Variants in XKR4 observed in about 807,000 individuals in gnomAD.
XKR4 encodes the protein XK-related protein 4.
In XKR4, 12 loss-of-function variants were observed where a neutral mutation model predicts 53.9. That is an observed-to-expected ratio of 0.22 (90% CI 0.14 to 0.36). The LOEUF is 0.36. XKR4 is among the 10% of genes least tolerant of loss of function. The probability of loss-of-function intolerance (pLI) is 1.00; values close to 1 mark genes in which losing one functional copy is unlikely to be tolerated. For missense variants in XKR4, 799 were observed against 859.5 expected, an observed-to-expected ratio of 0.93 and a Z score of 0.88; for synonymous variants, 354 against 362.4, an observed-to-expected ratio of 0.98 and a Z score of 0.26.
intron 1 of XKR4, among the ~76,000 whole-genome samples, chr8:55,332,677 T>A (rs1221679720): frequency 2.0e-5 from 3 of 152,110 alleles, no homozygotes. Context: ...AATTATCTTA[T>A]TGAGTATAAT....
intron 2 of XKR4, among the ~76,000 whole-genome samples, chr8:55,416,070 G>A (rs901302243): frequency 6.6e-5 from 10 of 152,016 alleles, no homozygotes; most frequent in Non-Finnish European, 1.2e-4. Flanking sequence ...TTCCACTCCC[G>A]CCATAATTTT....
chr8:55,388,349 A>G (rs752602661), intron 2 of XKR4, among the ~76,000 whole-genome samples: 2 of 152,208 alleles, frequency 1.3e-5, no homozygotes, highest in Non-Finnish European at 2.9e-5. Context: ...AAAAAGAGCA[A>G]CTTTTTACTC....
chr8:55,452,895 T>G lies in XKR4; in HGVS notation c.1007-70386T>G, dbSNP rs552467284. On this transcript the variant is annotated intron_variant, in intron 2 of 2. Transcript: ENST00000327381. ...AGGCAGCAGGAGGTAGCTCACGCAG[T>G]TGGTATAGTGGATGGCCTGGCTGAA... 2.7e-4 allele frequency: 211 copies of G among 785,374 alleles called. 2 individuals are homozygous for G. The South Asian group carries it at 2.8e-3, about 10-fold the overall frequency. 48.7% of individuals were successfully genotyped at this position (785,374 alleles called of 1,614,324 possible).
intron 1 of XKR4, among the ~76,000 whole-genome samples, chr8:55,247,749 T>C (rs1818302907): frequency 6.6e-6 from 1 of 152,156 alleles, no homozygotes; most frequent in Non-Finnish European, 1.5e-5. Context: ...TGCTTTATCC[T>C]TTCTCTTACG....
chr8:55,132,645 G>A (rs775299775), intron 1 of XKR4, among the ~76,000 whole-genome samples: 1 of 152,118 alleles, frequency 6.6e-6, no homozygotes, highest in Non-Finnish European at 1.5e-5. Context: ...ATTAACCTCT[G>A]CACTAGAATC....
intron 1 of XKR4, among the ~76,000 whole-genome samples, chr8:55,125,328 T>C (rs1350225716): frequency 2.4e-5 from 1 of 42,460 alleles, no homozygotes; most frequent in African/African-American, 9.9e-5. Context: ...CCTCCTGGGT[T>C]CAAGCGATTG....
intron 1 of XKR4, among the ~76,000 whole-genome samples, chr8:55,315,918 G>T (rs1180213895): frequency 1.3e-5 from 2 of 152,140 alleles, no homozygotes; most frequent in Non-Finnish European, 2.9e-5. Context: ...GGACCCTCAT[G>T]ATTTAGTGTG....
At chr8:55,346,081 C>CTTTTTTT (rs796574998) in intron 1 of XKR4, among the ~76,000 whole-genome samples, 15 of 137,620 alleles carry the variant, frequency 1.1e-4, no homozygotes, top group Non-Finnish European at 1.6e-4. Flanking sequence ...TTTTCTTTTT[C>CTTTTTTT]TTTTTTTTTT....
chr8:55,229,601 C>A (rs996342071), intron 1 of XKR4, among the ~76,000 whole-genome samples: 2 of 152,248 alleles, frequency 1.3e-5, no homozygotes, highest in Admixed American at 1.3e-4. Context: ...GTAAAAACTT[C>A]TGATTCCTCC....
At chr8:55,510,274 G>C (rs1047685421) in intron 2 of XKR4, among the ~76,000 whole-genome samples, 1 of 152,138 alleles carries the variant, frequency 6.6e-6, no homozygotes, top group African/African-American at 2.4e-5. Context: ...GGAGAAAGGA[G>C]ACCCTGAGAC....
intron 1 of XKR4, among the ~76,000 whole-genome samples, chr8:55,176,514 G>A (rs1164496059): frequency 2.6e-5 from 4 of 152,156 alleles, no homozygotes; most frequent in South Asian, 4.1e-4. Flanking sequence ...CTTAATGTCC[G>A]GTCTTTGGAA....
intron 1 of XKR4, among the ~76,000 whole-genome samples, chr8:55,279,175 G>A (rs139786977): frequency 6.6e-6 from 1 of 152,282 alleles, no homozygotes; most frequent in Non-Finnish European, 1.5e-5. Flanking sequence ...AGATCCCATC[G>A]CTGGTAACCA....
At position 55,252,543 on chromosome 8, in the gene XKR4, A is replaced by T. The variant is rs369350493; in HGVS notation, c.807-105135A>T. 6.6e-4 allele frequency among the ~76,000 whole-genome samples: 101 copies of T among 152,316 alleles called. No homozygotes were observed. The Middle Eastern group carries it at 0.01, about 15-fold the overall frequency. On this transcript the variant is annotated intron_variant, in intron 1 of 2. Coordinates refer to ENST00000327381, the MANE Select transcript of XKR4 (RefSeq NM_052898.2). ...CCCGACCTTGATTCATTTGCCATAG[A>T]TGGGAAATTAGGAGTTGGTGCAAAT...
chr8:55,314,895 T>C (rs1819449403), intron 1 of XKR4, among the ~76,000 whole-genome samples: 1 of 152,126 alleles, frequency 6.6e-6, no homozygotes. Context: ...GGCTCTGTGG[T>C]TGGAGAGGTC....
intron 2 of XKR4, among the ~76,000 whole-genome samples, chr8:55,403,107 A>G (rs1398432888): frequency 6.6e-6 from 1 of 152,196 alleles, no homozygotes; most frequent in African/African-American, 2.4e-5. Context: ...GTCCCTGCAG[A>G]ATCTAACCTC....
At chr8:55,403,915 C>T (rs993634633) in intron 2 of XKR4, among the ~76,000 whole-genome samples, 15 of 152,200 alleles carry the variant, frequency 9.9e-5, no homozygotes, top group South Asian at 2.1e-4. Context: ...GCTCATAGAA[C>T]GCCAGGGCAC....
chr8:55,294,913 C>T lies in XKR4; in HGVS notation c.807-62765C>T, dbSNP rs544219678. ...ATGCAAAACCTGTTGAAAATATTAC[C>T]CAATGAATCCAGTGTCCCTTTGCAC... is the stretch of plus-strand genomic sequence containing the variant. On this transcript the variant is annotated intron_variant, in intron 1 of 2. Coordinates refer to ENST00000327381, the MANE Select transcript of XKR4 (RefSeq NM_052898.2). Among the ~76,000 whole-genome samples the T allele has an allele frequency of 2.1e-4, 32 of 152,112 alleles. 1 individual carries two copies. In the East Asian group the frequency reaches 6.2e-3, roughly 29 times the overall value.
intron 1 of XKR4, among the ~76,000 whole-genome samples, chr8:55,292,661 C>T (rs1347025320): frequency 6.6e-6 from 1 of 151,820 alleles, no homozygotes; most frequent in Admixed American, 6.6e-5. Context: ...TTTATTATTT[C>T]CTTCCTTCTA....
At chr8:55,338,157 A>T (rs1019472678) in intron 1 of XKR4, among the ~76,000 whole-genome samples, 1 of 152,214 alleles carries the variant, frequency 6.6e-6, no homozygotes, top group Non-Finnish European at 1.5e-5. Flanking sequence ...TTAAAAAAGA[A>T]TCTGTTTTTT....
Sources: allele counts gnomAD v4.1 joint callset (sites outside exome capture counted in the v4.1 genomes callset), GRCh38; gene constraint gnomAD v4.1.1; transcripts MANE v1.5; gene names NCBI Gene and HGNC (gene_info 2026-07-23, HGNC 2026-07-21).